Variants in CEP112 observed in about 807,000 individuals in gnomAD.
CEP112 encodes centrosomal protein of 112 kDa.
CEP112 carries 127 observed loss-of-function variants against 153.0 expected under a neutral mutation model. The ratio of observed to expected loss-of-function variants is 0.83; its 90% CI spans 0.72 to 0.96. The LOEUF (loss-of-function observed/expected upper bound fraction) is 0.96, where lower values mean the gene tolerates loss of function less well. Among genes scored for constraint, CEP112 ranks in the 40% least tolerant of loss-of-function variants. The pLI, the probability that CEP112 is intolerant of heterozygous loss-of-function variation, is 0.00. For synonymous variants in CEP112, 358 were observed against 374.4 expected, an observed-to-expected ratio of 0.96 and a Z score of 0.51; for missense variants, 1,089 against 1,101.2, an observed-to-expected ratio of 0.99 and a Z score of 0.16.
At chr17:65,652,758 T>C (rs1397183576) in intron 24 of CEP112, among the ~76,000 whole-genome samples, 2 of 152,228 alleles carry the variant, frequency 1.3e-5, no homozygotes, top group Non-Finnish European at 2.9e-5. Flanking sequence ...ACAATCTATA[T>C]ATATTTGAAA....
chr17:66,131,273 T>C (rs2070150546), intron 5 of CEP112, among the ~76,000 whole-genome samples: 1 of 152,226 alleles, frequency 6.6e-6, no homozygotes, highest in Non-Finnish European at 1.5e-5. Context: ...TGTATGTTTT[T>C]CTCATGAACA....
At chr17:65,679,129 CTTTTTTTTTT>C (rs57907674) in intron 24 of CEP112, among the ~76,000 whole-genome samples, 5 of 31,610 alleles carry the variant, frequency 1.6e-4, no homozygotes, top group Admixed American at 5.3e-4. Flanking sequence ...GTGGTTCAAG[CTTTTTTTTTT>C]TTTTTTTTTT....
At chr17:66,067,760 C>T (rs946429094) in intron 9 of CEP112, among the ~76,000 whole-genome samples, 1 of 152,038 alleles carries the variant, frequency 6.6e-6, no homozygotes, top group African/African-American at 2.4e-5. Flanking sequence ...ATAATAATTT[C>T]AGTGATTCCC....
chr17:66,031,033 T>A (rs2065439632), intron 12 of CEP112, among the ~76,000 whole-genome samples: 1 of 151,536 alleles, frequency 6.6e-6, no homozygotes, highest in African/African-American at 2.4e-5. Context: ...ATGACTTATC[T>A]AACTTAAAAG....
intron 23 of CEP112, among the ~76,000 whole-genome samples, chr17:65,694,143 C>T (rs2048251505): frequency 6.6e-6 from 1 of 152,142 alleles, no homozygotes; most frequent in South Asian, 2.1e-4. Flanking sequence ...GACAGAGGTG[C>T]AAATGCGGAA....
At chr17:65,837,514 G>A (rs2146188588) in intron 21 of CEP112, among the ~76,000 whole-genome samples, 1 of 151,126 alleles carries the variant, frequency 6.6e-6, no homozygotes, top group East Asian at 1.9e-4. Flanking sequence ...GGGAGGTGAG[G>A]AGCGTCTCTG....
intron 6 of CEP112, among the ~76,000 whole-genome samples, chr17:66,107,003 T>C (rs2068811266): frequency 6.6e-6 from 1 of 152,068 alleles, no homozygotes; most frequent in African/African-American, 2.4e-5. Context: ...GGCAAATCAA[T>C]CCATGTGATA....
At chr17:66,035,229 C>T (rs911748613) in intron 12 of CEP112, among the ~76,000 whole-genome samples, 2 of 151,662 alleles carry the variant, frequency 1.3e-5, no homozygotes, top group African/African-American at 4.8e-5. Context: ...AAATAGGTAA[C>T]CCGAGGACTG....
At chr17:66,072,196 T>C (rs1159608748) in intron 8 of CEP112, among the ~76,000 whole-genome samples, 2 of 152,132 alleles carry the variant, frequency 1.3e-5, no homozygotes, top group Non-Finnish European at 1.5e-5. Flanking sequence ...ATCCTGCCTC[T>C]TTATCCCTAA....
intron 1 of CEP112, among the ~76,000 whole-genome samples, chr17:66,184,311 GC>G (rs2072841482): frequency 6.6e-6 from 1 of 152,030 alleles, no homozygotes; most frequent in African/African-American, 2.4e-5. Context: ...AAACTGTCCT[GC>G]AAAGGACGTT....
chr17:65,911,318 T>C (rs2060274846), intron 19 of CEP112, among the ~76,000 whole-genome samples: 1 of 152,186 alleles, frequency 6.6e-6, no homozygotes, highest in Non-Finnish European at 1.5e-5. Flanking sequence ...ACTTCAACAA[T>C]GTATAAATAA....
At chr17:66,182,895 A>G (rs578066703) in intron 2 of CEP112, among the ~76,000 whole-genome samples, 1 of 152,312 alleles carries the variant, frequency 6.6e-6, no homozygotes, top group East Asian at 1.9e-4. Flanking sequence ...AAATTTCCAT[A>G]GAGAAAAGAA....
chr17:66,114,894 CT>C (rs969344239), intron 6 of CEP112, among the ~76,000 whole-genome samples: 1 of 151,724 alleles, frequency 6.6e-6, no homozygotes, highest in East Asian at 1.9e-4. Context: ...TCAAGAATGG[CT>C]TTTTTTAATT....
intron 23 of CEP112, among the ~76,000 whole-genome samples, chr17:65,720,844 C>T (rs1335686426): frequency 6.6e-6 from 1 of 152,156 alleles, no homozygotes; most frequent in African/African-American, 2.4e-5. Context: ...TCCTATGAGA[C>T]AGGCTTTATT....
intron 24 of CEP112, among the ~76,000 whole-genome samples, chr17:65,659,949 G>A (rs2046261043): frequency 6.6e-6 from 1 of 152,140 alleles, no homozygotes; most frequent in Admixed American, 6.5e-5. Flanking sequence ...AAAACTGCTA[G>A]CTGAGGAAAG....
At chr17:65,795,293 C>T (rs2054845253) in intron 21 of CEP112, among the ~76,000 whole-genome samples, 1 of 152,190 alleles carries the variant, frequency 6.6e-6, no homozygotes, top group Admixed American at 6.5e-5. Flanking sequence ...GGGGTAGCTA[C>T]TATTTAATGA....
chr17:66,061,657 CTT>C (rs1402518491), intron 11 of CEP112, among the ~76,000 whole-genome samples: 2 of 151,776 alleles, frequency 1.3e-5, no homozygotes, highest in Admixed American at 1.3e-4. Flanking sequence ...CATGGACAAA[CTT>C]AGAAGGACAT....
rs144542521 is a variant in CEP112 at position 65,777,217 on chromosome 17, CT to C, written c.2395-26494del. ...CCCACTCCTCATTCTGATGCCTAGG[CT>C]TTAATGCAAGCTTGGACCACAAAGT... On this transcript the variant is annotated intron_variant, in intron 21 of 26. Transcript: ENST00000535342. Among the ~76,000 whole-genome samples, 8 of 152,280 alleles carry C rather than the reference CT, an allele frequency of 5.3e-5. No homozygotes were observed. In the East Asian group the frequency reaches 1.4e-3, roughly 26 times the overall value.
chr17:66,157,318 G>A (rs1415487429), intron 4 of CEP112, among the ~76,000 whole-genome samples: 1 of 152,056 alleles, frequency 6.6e-6, no homozygotes, highest in Non-Finnish European at 1.5e-5. Flanking sequence ...CTTTACAGAC[G>A]AGCAAATGTT....
Sources: allele counts gnomAD v4.1 joint callset (sites outside exome capture counted in the v4.1 genomes callset), GRCh38; gene constraint gnomAD v4.1.1; transcripts MANE v1.5; gene names NCBI Gene and HGNC (gene_info 2026-07-23, HGNC 2026-07-21).